Variants in PWWP2B observed in about 807,000 individuals in gnomAD.
The protein encoded by PWWP2B is PWWP domain containing 2B.
In PWWP2B, 9 loss-of-function variants were observed where a neutral mutation model predicts 15.5. The ratio of observed to expected loss-of-function variants is 0.58; its 90% CI spans 0.35 to 1.02. The LOEUF (loss-of-function observed/expected upper bound fraction) is 1.02, where lower values mean the gene tolerates loss of function less well. Ranked by LOEUF, PWWP2B falls within the 50% of genes least tolerant of loss-of-function variation. The probability of loss-of-function intolerance (pLI) is 0.02; values close to 1 mark genes in which losing one functional copy is unlikely to be tolerated. For missense variants in PWWP2B, 864 were observed against 865.3 expected, an observed-to-expected ratio of 1.00 and a Z score of 0.02; for synonymous variants, 474 against 403.6, an observed-to-expected ratio of 1.17 and a Z score of -2.09.
At chr10:132,404,579 T>A (rs980097490) in intron 1 of PWWP2B, 47 bp from the exon 2 acceptor site, 13 of 1,529,036 alleles carry the variant, frequency 8.5e-6, no homozygotes, top group Non-Finnish European at 1.2e-5. Context: ...GGGTGGCAGA[T>A]GTGCCAGGGT....
chr10:132,409,049 C>T (rs546642542), intron 2 of PWWP2B, among the ~76,000 whole-genome samples: 1 of 152,352 alleles, frequency 6.6e-6, no homozygotes, highest in Non-Finnish European at 1.5e-5. Context: ...GGCCGTTGGG[C>T]CTTGTCCCAG....
At chr10:132,403,426 C>T (rs927659751) in intron 1 of PWWP2B, among the ~76,000 whole-genome samples, 3 of 152,232 alleles carry the variant, frequency 2.0e-5, no homozygotes, top group African/African-American at 7.2e-5. Context: ...AACGTGGATT[C>T]TGTGGACCCG....
chr10:132,401,736 G>T (rs2069618949), intron 1 of PWWP2B, among the ~76,000 whole-genome samples: 1 of 152,268 alleles, frequency 6.6e-6, no homozygotes, highest in Admixed American at 6.5e-5. Context: ...TCAGCCTGGA[G>T]GCACGTTCCC....
At chr10:132,399,049 G>A (rs895244970) in intron 1 of PWWP2B, among the ~76,000 whole-genome samples, 1 of 90,290 alleles carries the variant, frequency 1.1e-5, no homozygotes, top group Non-Finnish European at 2.2e-5. Context: ...AAGGACCCCC[G>A]CCCCCTCCCT....
In PWWP2B at chr10:132,405,502, C is replaced by A; in HGVS notation, c.1002C>A (p.Arg334=). 1 of 1,603,868 alleles carries A rather than the reference C, an allele frequency of 6.2e-7. No individual in the cohort carries two copies. Among genetic ancestry groups the A allele is most frequent in the Non-Finnish European group, 8.5e-7 (1 of 1,179,410 alleles). ...AGADLPPPKI[R]LKPHRLGDSE... is the part of the protein sequence containing the mutation. ...CGGACCTGCCGCCCCCTAAGATCCG[C>A]CTGAAGCCCCACCGTCTGGGGGACA... The change falls in exon 2 of 3, where the codon CGC becomes CGA. Residue 334 remains arginine (R), a synonymous_variant. Coordinates refer to ENST00000305233, the MANE Select transcript of PWWP2B (RefSeq NM_138499.4).
chr10:132,414,200 C>G (rs767078217), intron 2 of PWWP2B, among the ~76,000 whole-genome samples: 2 of 152,200 alleles, frequency 1.3e-5, no homozygotes, highest in African/African-American at 2.4e-5. Context: ...ACGAAGGGCC[C>G]GTCCAGGCTG....
At chr10:132,413,451 G>A (rs1197685783) in intron 2 of PWWP2B, among the ~76,000 whole-genome samples, 3 of 152,192 alleles carry the variant, frequency 2.0e-5, no homozygotes. Context: ...TTTTGTCCTG[G>A]GGTCTGGCCC....
rs545606419 is a variant in PWWP2B at position 132,405,089 on chromosome 10, G to A, written c.589G>A (p.Ala197Thr). The change falls in exon 2 of 3, where the codon GCG becomes ACG. Residue 197 changes from alanine to threonine, a missense_variant. By Grantham distance (58) the Ala-to-Thr change is moderately conservative (BLOSUM62 0). Around this residue, in one of 2 missense-constraint regions of PWWP2B, gnomAD observed 736 missense variants for 687.7 expected, o/e 1.07. Transcript: ENST00000305233. ...GGAGGCCAGCCCCGGACCCCCAGCCGCGCCCAGGGCCCGCAGGAGGCTGGG... is the reference window on the plus strand; with the variant it reads ...GGAGGCCAGCCCCGGACCCCCAGCCACGCCCAGGGCCCGCAGGAGGCTGGG... ...PPEASPGPPA[A>T]PRARRRLGSG... 4.5e-4 allele frequency: 682 copies of A among 1,530,608 alleles called. No individual in the cohort carries two copies. In the African/African-American group the frequency reaches 4.5e-3, roughly 10 times the overall value. 94.8% of individuals were successfully genotyped at this position (1,530,608 alleles called of 1,614,324 possible). A position where few individuals can be genotyped will look rare whatever the true frequency, so the allele number is the denominator to read the frequency against.
chr10:132,415,635 A>G (rs1202225238), intron 2 of PWWP2B, among the ~76,000 whole-genome samples: 1 of 139,242 alleles, frequency 7.2e-6, no homozygotes, highest in Non-Finnish European at 1.5e-5. Flanking sequence ...ACATCCACTC[A>G]CACACCCACT....
chr10:132,412,686 G>T (rs965845375), intron 2 of PWWP2B, among the ~76,000 whole-genome samples: 2 of 152,202 alleles, frequency 1.3e-5, no homozygotes, highest in African/African-American at 4.8e-5. Flanking sequence ...TTACTCACTG[G>T]AATTCTTGCA....
chr10:132,402,834 A>G (rs2069630495), intron 1 of PWWP2B, among the ~76,000 whole-genome samples: 1 of 152,220 alleles, frequency 6.6e-6, no homozygotes, highest in African/African-American at 2.4e-5. Context: ...GCTCACGGAC[A>G]GCGTATAAAG....
At chr10:132,410,329 T>C (rs539454875) in intron 2 of PWWP2B, among the ~76,000 whole-genome samples, 44 of 116,608 alleles carry the variant, frequency 3.8e-4, no homozygotes, top group Non-Finnish European at 7.7e-4. Flanking sequence ...AGGATCCGTA[T>C]TCATCGGGGG....
In PWWP2B at chr10:132,405,125, G is replaced by C; in HGVS notation, c.625G>C (p.Asp209His). The change falls in exon 2 of 3, where the codon GAC becomes CAC. Residue 209 changes from aspartate (D) to histidine (H), a missense_variant. Asp to His is a moderately conservative substitution (Grantham distance 81). Transcript: ENST00000305233. Reference protein sequence around the residue: ...RARRRLGSGPDRELRKPEEPE... With the variant: ...RARRRLGSGPHRELRKPEEPE... ...CCGCAGGAGGCTGGGCAGCGGCCCGGACAGGGAGCTCCGCAAGCCGGAGGA... is the reference window on the plus strand; with the variant it reads ...CCGCAGGAGGCTGGGCAGCGGCCCGCACAGGGAGCTCCGCAAGCCGGAGGA... 6.5e-7 allele frequency: 1 copy of C among 1,543,186 alleles called. No homozygotes were observed. The highest frequency in any genetic ancestry group is 8.7e-7 in the Non-Finnish European group (1 of 1,144,116).
At chr10:132,409,314 G>A (rs1020015845) in intron 2 of PWWP2B, among the ~76,000 whole-genome samples, 1 of 152,232 alleles carries the variant, frequency 6.6e-6, no homozygotes, top group African/African-American at 2.4e-5. Flanking sequence ...TTAGAGCTGA[G>A]GTCCGGGGCG....
chr10:132,415,972 T>G lies in PWWP2B; in HGVS notation c.*17-1089T>G, dbSNP rs1221596199. On this transcript the variant is annotated intron_variant, in intron 2 of 2. Coordinates refer to ENST00000305233, the MANE Select transcript of PWWP2B (RefSeq NM_138499.4). ...CTCACACACACATCCACCCTCACACTCTCACACGGCACACGCCTGCAGGTG... is the reference window on the plus strand; with the variant it reads ...CTCACACACACATCCACCCTCACACGCTCACACGGCACACGCCTGCAGGTG... Among the ~76,000 whole-genome samples the G allele has an allele frequency of 2.0e-5, 3 of 152,188 alleles. No individual in the cohort carries two copies. In the East Asian group the frequency reaches 5.8e-4, roughly 29 times the overall value.
rs192283795 is a variant in PWWP2B at position 132,407,943 on chromosome 10, C to G, written c.*16+1654C>G. Among the ~76,000 whole-genome samples, 1,265 of 152,370 alleles carry G rather than the reference C, an allele frequency of 8.3e-3. 14 individuals carry two copies. Among genetic ancestry groups the G allele is most frequent in the South Asian group, 0.013 (61 of 4,832 alleles). ...GCATTTGCGAGGCATGACATCCCCC[C>G]ACGCAGGACGTCTCCAAGTGAGGCC... is the stretch of plus-strand genomic sequence containing the variant. On this transcript the variant is annotated intron_variant, in intron 2 of 2. Coordinates refer to ENST00000305233, the MANE Select transcript of PWWP2B (RefSeq NM_138499.4).
chr10:132,404,580 G>A (rs1278357768), intron 1 of PWWP2B, 46 bp from the exon 2 acceptor site: 1 of 1,539,808 alleles, frequency 6.5e-7, no homozygotes, highest in Admixed American at 1.7e-5. Context: ...GGTGGCAGAT[G>A]TGCCAGGGTC....
intron 2 of PWWP2B, among the ~76,000 whole-genome samples, chr10:132,413,950 C>T (rs1179412304): frequency 6.6e-6 from 1 of 152,180 alleles, no homozygotes; most frequent in East Asian, 1.9e-4. Context: ...CCCCGTGTCC[C>T]GGTGGGGGCT....
chr10:132,404,751 C>G lies in PWWP2B; in HGVS notation c.251C>G (p.Ser84Cys). 1 of 1,585,634 alleles carries G rather than the reference C, an allele frequency of 6.3e-7. No individual in the cohort carries two copies. The highest frequency in any genetic ancestry group is 8.6e-7 in the Non-Finnish European group (1 of 1,161,834). The change falls in exon 2 of 3, where the codon TCC becomes TGC. Residue 84 changes from serine (S) to cysteine (C), a missense_variant. Around this residue, in one of 2 missense-constraint regions of PWWP2B, gnomAD observed 736 missense variants for 687.7 expected, o/e 1.07. Transcript: ENST00000305233. ...GAGGTGATGCAGCTGGGGTCCAGCT[C>G]CCCCCCTCCTGCCCGCGGGGTTCAG... is the stretch of plus-strand genomic sequence containing the variant. ...DAEVMQLGSS[S>C]PPPARGVQPP...
Sources: gnomAD v4.1 joint callset for allele counts (sites outside exome capture counted in the v4.1 genomes callset) on GRCh38, gnomAD v4.1.1 for gene constraint, gnomAD v4.1.1 regional missense constraint, MANE v1.5 for transcripts, NCBI Gene and HGNC (gene_info 2026-07-23, HGNC 2026-07-21) for gene names.